MIPOL1: variants seen among roughly 807,000 people sequenced by gnomAD.
MIPOL1 encodes the protein mirror-image polydactyly gene 1 protein.
A neutral mutation model predicts 60.9 loss-of-function variants in MIPOL1; 57 were observed. The observed-to-expected ratio is 0.94, with a 90% CI of 0.76 to 1.17. The LOEUF (loss-of-function observed/expected upper bound fraction) is 1.17, where lower values mean the gene tolerates loss of function less well. MIPOL1 is among the 50% of genes most tolerant of loss of function. The pLI is 0.00. For missense variants in MIPOL1, 551 were observed against 511.6 expected (o/e 1.08, Z -0.74); for synonymous variants, 179 against 168.8 (o/e 1.06, Z -0.47).
intron 9 of MIPOL1, among the ~76,000 whole-genome samples, chr14:37,324,156 A>T (rs1595137927): frequency 1.3e-5 from 2 of 152,108 alleles, no homozygotes; most frequent in African/African-American, 4.8e-5. Flanking sequence ...TGTGGAAGTG[A>T]CTGTATTATT....
At chr14:37,307,259 C>T (rs1034328688) in intron 7 of MIPOL1, among the ~76,000 whole-genome samples, 2 of 151,826 alleles carry the variant, frequency 1.3e-5, no homozygotes, top group African/African-American at 4.8e-5. Context: ...AGAATCTATA[C>T]CTTTTCACTA....
chr14:37,482,223 A>G (rs2094882111), intron 11 of MIPOL1, among the ~76,000 whole-genome samples: 2 of 152,218 alleles, frequency 1.3e-5, no homozygotes, highest in Admixed American at 1.3e-4. Context: ...ACTCAACTCA[A>G]TAGCAAGAAA....
chr14:37,365,607 G>T (rs1301948151), intron 9 of MIPOL1, among the ~76,000 whole-genome samples: 1 of 151,858 alleles, frequency 6.6e-6, no homozygotes, highest in Non-Finnish European at 1.5e-5. Context: ...GACCACGTTT[G>T]CTAGTATTTT....
intron 11 of MIPOL1, among the ~76,000 whole-genome samples, chr14:37,497,562 C>T (rs1327135929): frequency 2.6e-5 from 4 of 152,166 alleles, no homozygotes; most frequent in African/African-American, 9.7e-5. Context: ...CATTAAGAGT[C>T]AGGCATGGTG....
chr14:37,406,455 G>A (rs1023956393), intron 10 of MIPOL1, among the ~76,000 whole-genome samples: 1 of 152,136 alleles, frequency 6.6e-6, no homozygotes, highest in Non-Finnish European at 1.5e-5. Flanking sequence ...CTGGCATGTA[G>A]AGAAATGTTT....
chr14:37,425,949 A>C (rs2093953323), intron 11 of MIPOL1, among the ~76,000 whole-genome samples: 1 of 152,210 alleles, frequency 6.6e-6, no homozygotes, highest in Non-Finnish European at 1.5e-5. Context: ...GAGGTAAAGA[A>C]GCATAGCAAT....
At chr14:37,338,762 A>C (rs1054452812) in intron 9 of MIPOL1, among the ~76,000 whole-genome samples, 8 of 152,126 alleles carry the variant, frequency 5.3e-5, no homozygotes, top group African/African-American at 1.9e-4. Flanking sequence ...TATTTTCAGC[A>C]AGCAGTGCTG....
At chr14:37,551,870 C>G (rs2095562244), downstream of MIPOL1, 1 of 141,918 alleles carries the variant, frequency 7.0e-6, no homozygotes, top group Non-Finnish European at 1.5e-5. Flanking sequence ...CAGAGTGAGA[C>G]TGTCTCAAAT....
chr14:37,285,200 A>C, intron 6 of MIPOL1, 118 bp from the exon 7 acceptor site: 1 of 991,096 alleles, frequency 1.0e-6, no homozygotes. Flanking sequence ...ATTGATATTA[A>C]TTCAGTTTAT....
intron 12 of MIPOL1, among the ~76,000 whole-genome samples, chr14:37,525,783 A>G (rs1469754613): frequency 6.6e-6 from 1 of 152,190 alleles, no homozygotes; most frequent in Non-Finnish European, 1.5e-5. Flanking sequence ...AGCTTTCTGA[A>G]CTTTGAAATT....
At chr14:37,236,416 AGTG>A (rs1971487609) in intron 1 of MIPOL1, among the ~76,000 whole-genome samples, 1 of 151,818 alleles carries the variant, frequency 6.6e-6, no homozygotes, top group Admixed American at 6.6e-5. Flanking sequence ...AGGCTGTAGT[AGTG>A]TGTTTCTTTT....
chr14:37,522,715 G>A (rs1004913358), intron 12 of MIPOL1, among the ~76,000 whole-genome samples: 1 of 152,106 alleles, frequency 6.6e-6, no homozygotes, highest in Non-Finnish European at 1.5e-5. Flanking sequence ...CTCTGAAAAC[G>A]TTTGAATTTC....
intron 11 of MIPOL1, among the ~76,000 whole-genome samples, chr14:37,465,204 A>G (rs1168755005): frequency 2.0e-5 from 3 of 152,198 alleles, no homozygotes; most frequent in Admixed American, 1.3e-4. Flanking sequence ...GTGGTCAGCA[A>G]TGTACAAAAT....
At chr14:37,373,997 C>A (rs1268718017) in intron 10 of MIPOL1, among the ~76,000 whole-genome samples, 2 of 152,178 alleles carry the variant, frequency 1.3e-5, no homozygotes, top group African/African-American at 4.8e-5. Context: ...TACACTCCCA[C>A]CAACAGTGTA....
intron 10 of MIPOL1, among the ~76,000 whole-genome samples, chr14:37,406,821 A>C (rs1372973504): frequency 6.6e-6 from 1 of 152,158 alleles, no homozygotes; most frequent in Non-Finnish European, 1.5e-5. Flanking sequence ...GGTAAATCTC[A>C]TTAAATGATG....
At chr14:37,499,594 T>C (rs981255627) in intron 11 of MIPOL1, among the ~76,000 whole-genome samples, 1 of 152,184 alleles carries the variant, frequency 6.6e-6, no homozygotes, top group Non-Finnish European at 1.5e-5. Flanking sequence ...CTAGAGATAC[T>C]TTATTTTCCA....
At chr14:37,283,594 T>C (rs1225352870) in intron 6 of MIPOL1, among the ~76,000 whole-genome samples, 1 of 152,176 alleles carries the variant, frequency 6.6e-6, no homozygotes, top group Admixed American at 6.5e-5. Context: ...ACATTATTAA[T>C]ATGTCTAGGA....
At chr14:37,464,161 T>C (rs1296684418) in intron 11 of MIPOL1, among the ~76,000 whole-genome samples, 1 of 152,214 alleles carries the variant, frequency 6.6e-6, no homozygotes, top group Admixed American at 6.5e-5. Flanking sequence ...TTCGTGGGAA[T>C]GTAAATTAGT....
At chr14:37,429,713 A>G (rs372270824) in intron 11 of MIPOL1, among the ~76,000 whole-genome samples, 2 of 152,064 alleles carry the variant, frequency 1.3e-5, no homozygotes, top group African/African-American at 4.8e-5. Context: ...TTTTTTCTAT[A>G]TTACTTTAGT....
Sources: allele counts gnomAD v4.1 joint callset (sites outside exome capture counted in the v4.1 genomes callset), GRCh38; gene constraint gnomAD v4.1.1; transcripts MANE v1.5; gene names NCBI Gene and HGNC (gene_info 2026-07-23, HGNC 2026-07-21).